The following DGLUCY variants were observed in gnomAD, a reference collection of about 807,000 sequenced individuals.
The protein encoded by DGLUCY is D-glutamate cyclase, mitochondrial.
Under a neutral mutation model 58.5 loss-of-function variants are expected in DGLUCY, and 58 were observed. The observed-to-expected ratio is 0.99, with a 90% CI of 0.80 to 1.23. The LOEUF is 1.23. Ranked by LOEUF, DGLUCY falls within the 50% of genes most tolerant of loss-of-function variation. DGLUCY has a pLI of 0.00. For synonymous variants in DGLUCY, 325 were observed against 314.1 expected (o/e 1.03, Z -0.37); for missense variants, 779 against 784.7 (o/e 0.99, Z 0.09).
intron 1 of DGLUCY, among the ~76,000 whole-genome samples, chr14:91,068,638 C>T (rs1407643070): frequency 1.3e-5 from 2 of 152,040 alleles, no homozygotes; most frequent in Non-Finnish European, 2.9e-5. Flanking sequence ...CATTGCACTC[C>T]AGCCTGGGCA....
rs1479373699 is a variant in DGLUCY, at chr14:91,225,153, T to G, written c.*320T>G. On this transcript the variant is annotated 3_prime_UTR_variant, in exon 14 of 14. Coordinates refer to ENST00000256324, the MANE Select transcript of DGLUCY (RefSeq NM_001102368.3). ...TGAGAATCTTCTCGACAGTTACTTA[T>G]GGGGACACTTGTGAACAATTAACTG... 2 of 197,216 alleles carry G rather than the reference T, an allele frequency of 1.0e-5. No homozygotes were observed. Among genetic ancestry groups the G allele is most frequent in the Admixed American group, 5.9e-5 (1 of 16,924 alleles). The allele number at this position is 197,216 out of a possible 1,614,324, so 12.2% of individuals were successfully genotyped here.
intron 1 of DGLUCY, among the ~76,000 whole-genome samples, chr14:91,065,959 G>A (rs757493667): frequency 2.6e-5 from 4 of 152,216 alleles, no homozygotes; most frequent in Non-Finnish European, 5.9e-5. Flanking sequence ...AGATGGAGAA[G>A]TAGAGAGGGT....
intron 1 of DGLUCY, among the ~76,000 whole-genome samples, chr14:91,141,778 C>T (rs2046698093): frequency 1.3e-5 from 2 of 151,476 alleles, no homozygotes; most frequent in Admixed American, 6.6e-5. Flanking sequence ...CTTGAACTCC[C>T]GACCTCAGGT....
At chr14:91,086,728 A>C (rs552806991) in intron 1 of DGLUCY, among the ~76,000 whole-genome samples, 1 of 152,276 alleles carries the variant, frequency 6.6e-6, no homozygotes, top group East Asian at 1.9e-4. Flanking sequence ...GACACTCAAT[A>C]AACACTTTTT....
At chr14:91,115,287 A>T (rs919794656) in intron 1 of DGLUCY, 1 of 152,698 alleles carries the variant, frequency 6.5e-6, no homozygotes, top group Non-Finnish European at 1.5e-5. Context: ...AAGAAAGCTG[A>T]CTTGGCTGGA....
At position 91,218,836 on chromosome 14, in the gene DGLUCY, AC is replaced by A. The variant is rs541502126; in HGVS notation, c.1716+3281del. Among the ~76,000 whole-genome samples, 235 of 152,186 alleles carry A rather than the reference AC, an allele frequency of 1.5e-3. 1 individual carries two copies. The highest frequency in any genetic ancestry group is 7.1e-3 in the South Asian group (34 of 4,816). On this transcript the variant is annotated intron_variant, in intron 13 of 13. Transcript: ENST00000256324. ...GGGGGACTCAGGGTCCACTGGGGAG[AC>A]GACACATGACAGGCAATTTCAGGAG...
At chr14:91,104,458 G>A (rs1040527211), upstream of DGLUCY, among the ~76,000 whole-genome samples, 20 of 152,058 alleles carry the variant, frequency 1.3e-4, no homozygotes, top group Non-Finnish European at 2.2e-4. Flanking sequence ...CAATGCATAG[G>A]ACAGCCCCCC....
At chr14:91,220,736 T>C (rs111260345) in intron 13 of DGLUCY, 79 of 448,914 alleles carry the variant, frequency 1.8e-4, no homozygotes, top group African/African-American at 1.4e-3. Flanking sequence ...CATCTTGCTC[T>C]ACGGGAAGCC....
intron 1 of DGLUCY, among the ~76,000 whole-genome samples, chr14:91,090,232 C>T (rs2044289365): frequency 1.3e-5 from 2 of 152,074 alleles, no homozygotes; most frequent in South Asian, 2.1e-4. Context: ...TATGGGGGAA[C>T]CCCCACAGAT....
intron 1 of DGLUCY, among the ~76,000 whole-genome samples, chr14:91,082,182 A>T (rs917510365): frequency 3.3e-5 from 5 of 152,106 alleles, no homozygotes; most frequent in African/African-American, 1.2e-4. Flanking sequence ...GGAAATTGTG[A>T]TAGAGCATGT....
At chr14:91,129,980 A>T (rs190800349) in intron 1 of DGLUCY, among the ~76,000 whole-genome samples, 28 of 152,316 alleles carry the variant, frequency 1.8e-4, no homozygotes, top group Non-Finnish European at 3.8e-4. Flanking sequence ...GTTTGTGTTG[A>T]TGCAGGTAGC....
chr14:91,159,411 T>C lies in DGLUCY; in HGVS notation c.-29-855T>C, dbSNP rs568562510. Among the ~76,000 whole-genome samples the C allele has an allele frequency of 3.3e-5, 5 of 152,242 alleles. No homozygotes were observed. In the East Asian group the frequency reaches 9.7e-4, roughly 29 times the overall value. On this transcript the variant is annotated intron_variant, in intron 2 of 13. Transcript: ENST00000256324. Reference sequence around the variant, plus strand: ...GCACTGAGCTGAGATTGCGCCACTGTACTCCAGCCTGGGAGACAGAGTGGC... The same window carrying C: ...GCACTGAGCTGAGATTGCGCCACTGCACTCCAGCCTGGGAGACAGAGTGGC...
chr14:91,116,395 G>C (rs1464356887), intron 1 of DGLUCY, among the ~76,000 whole-genome samples: 1 of 152,156 alleles, frequency 6.6e-6, no homozygotes, highest in African/African-American at 2.4e-5. Context: ...GACTGCCCTT[G>C]GTCCTTCAGT....
At chr14:91,080,024 A>G (rs1277955373) in intron 1 of DGLUCY, among the ~76,000 whole-genome samples, 3 of 152,166 alleles carry the variant, frequency 2.0e-5, no homozygotes, top group African/African-American at 7.2e-5. Flanking sequence ...TGCCTATTAT[A>G]GGGACTTCAT....
chr14:91,163,000 G>A (rs1343662425), intron 3 of DGLUCY, among the ~76,000 whole-genome samples: 2 of 152,130 alleles, frequency 1.3e-5, no homozygotes, highest in African/African-American at 2.4e-5. Flanking sequence ...GCTCACACCT[G>A]TAATCCCAGC....
upstream of DGLUCY, among the ~76,000 whole-genome samples, chr14:91,113,043 T>C (rs113535615): frequency 0.03 from 4,449 of 148,482 alleles, 204 homozygotes; most frequent in African/African-American, 0.1. Flanking sequence ...AGCTCATGCC[T>C]GTAATCCCAG....
intron 1 of DGLUCY, among the ~76,000 whole-genome samples, chr14:91,135,374 G>T (rs2046265160): frequency 6.6e-6 from 1 of 152,176 alleles, no homozygotes; most frequent in African/African-American, 2.4e-5. Context: ...GGCAGGCCAG[G>T]CACGGTGGCT....
intron 1 of DGLUCY, among the ~76,000 whole-genome samples, chr14:91,072,719 C>T (rs1001014219): frequency 1.3e-4 from 19 of 151,508 alleles, no homozygotes; most frequent in Admixed American, 1.2e-3. Context: ...AAAGCTCATT[C>T]TATATAAAAC....
intron 1 of DGLUCY, among the ~76,000 whole-genome samples, chr14:91,154,754 G>A (rs74083978): frequency 6.6e-6 from 1 of 152,012 alleles, no homozygotes; most frequent in Admixed American, 6.6e-5. Flanking sequence ...GTCCGTCCCC[G>A]ACCTGCAGCC....
Sources: gnomAD v4.1 joint callset for allele counts (sites outside exome capture counted in the v4.1 genomes callset) on GRCh38, gnomAD v4.1.1 for gene constraint, MANE v1.5 for transcripts, NCBI Gene and HGNC (gene_info 2026-07-23, HGNC 2026-07-21) for gene names.